The following NOTCH2 variants were observed in gnomAD, a reference collection of about 807,000 sequenced individuals.
The protein encoded by NOTCH2 is neurogenic locus notch homolog protein 2.
A neutral mutation model predicts 235.8 loss-of-function variants in NOTCH2; 29 were observed. The ratio of observed to expected loss-of-function variants is 0.12; its 90% CI spans 0.09 to 0.17. NOTCH2 has a LOEUF of 0.17. Among genes scored for constraint, NOTCH2 ranks in the 10% least tolerant of loss-of-function variants. The pLI, the probability that NOTCH2 is intolerant of heterozygous loss-of-function variation, is 1.00. For synonymous variants in NOTCH2, 1,086 were observed against 1,141.5 expected (o/e 0.95, Z 0.98); for missense variants, 2,285 against 3,150.2 (o/e 0.73, Z 6.57).
In NOTCH2 at chr1:119,934,290, T is replaced by C. The variant is rs181045865; in HGVS notation, c.3655+1182A>G. On this transcript the variant is annotated intron_variant, in intron 22 of 33. Transcript: ENST00000256646. ...GGCACCGTGCTTCCTGTACAGCCTA[T>C]AGAACTGCGAGCCAAATATACCTCT... 2.4e-3 allele frequency among the ~76,000 whole-genome samples: 373 copies of C among 152,310 alleles called. 1 individual carries two copies. The highest frequency in any genetic ancestry group is 8.7e-3 in the African/African-American group (362 of 41,568).
rs1651022789 is a variant in NOTCH2, at chr1:119,963,500, G to A, written c.1915+74C>T. On this transcript the variant is annotated intron_variant, in intron 11 of 33. Coordinates refer to ENST00000256646, the MANE Select transcript of NOTCH2 (RefSeq NM_024408.4). ...TTAGGTATCTGAGCATATGCCAACA[G>A]TCTGAAACATCTGTGTAAACAGATT... The A allele has an allele frequency of 3.8e-6, 5 of 1,320,166 alleles. No homozygotes were observed. The East Asian group carries it at 1.1e-4, about 30-fold the overall frequency. The allele number at this position is 1,320,166 out of a possible 1,614,324, so 81.8% of individuals were successfully genotyped here.
rs780904023 is a variant in NOTCH2, at chr1:119,915,844, T to G, written c.6878A>C (p.His2293Pro). 5.6e-6 allele frequency: 9 copies of G among 1,614,058 alleles called. No homozygotes were observed. In the Admixed American group the frequency reaches 1.2e-4, roughly 21 times the overall value. Residue 2293 changes from histidine to proline, a missense_variant, in exon 34 of 34, where the codon CAC (histidine) becomes CCC (proline). His to Pro is a moderately conservative substitution (Grantham distance 77). Coordinates refer to ENST00000256646, the MANE Select transcript of NOTCH2 (RefSeq NM_024408.4). The stretch of plus-strand genomic sequence containing the variant: ...CAAGGGCTCCCGAGGGGTGGTTATG[T>G]GCTTCCCTTCAGGTGGCCTGCTCTG... Reference protein sequence around the residue: ...APQSRPPEGKHITTPREPLPP... With the variant: ...APQSRPPEGKPITTPREPLPP...
At chr1:119,918,577 A>G (rs1649166877) in intron 31 of NOTCH2, 24 bp from the exon 32 acceptor site, 2 of 1,613,566 alleles carry the variant, frequency 1.2e-6, no homozygotes, top group South Asian at 2.2e-5. Context: ...AAGTACAGAA[A>G]AGAGAGTCAC....
At chr1:119,981,940 T>C (rs1436763546) in intron 5 of NOTCH2, among the ~76,000 whole-genome samples, 3 of 150,342 alleles carry the variant, frequency 2.0e-5, no homozygotes, top group African/African-American at 7.3e-5. Flanking sequence ...ATCCCTATAG[T>C]CCTAAAAAAA....
At chr1:120,041,999 G>C (rs1553212925) in intron 1 of NOTCH2, among the ~76,000 whole-genome samples, 1 of 146,524 alleles carries the variant, frequency 6.8e-6, no homozygotes, top group Non-Finnish European at 1.5e-5. Flanking sequence ...AAGAGAGAAA[G>C]AGCAAGCGAG....
At chr1:119,987,919 G>A (rs115189503) in intron 4 of NOTCH2, among the ~76,000 whole-genome samples, 149 of 152,228 alleles carry the variant, frequency 9.8e-4, no homozygotes, top group Non-Finnish European at 1.7e-3. Flanking sequence ...TGCCCACAGT[G>A]TGGTCCTTTG....
At chr1:120,006,658 G>A (rs1222497604) in intron 2 of NOTCH2, among the ~76,000 whole-genome samples, 12 of 148,238 alleles carry the variant, frequency 8.1e-5, no homozygotes, top group African/African-American at 1.5e-4. Context: ...CTTATTCCTC[G>A]TTTTAGTTTT....
At chr1:119,963,180 T>TAGGAAGGAAGGG (rs1651006882) in intron 11 of NOTCH2, among the ~76,000 whole-genome samples, 1 of 144,746 alleles carries the variant, frequency 6.9e-6, no homozygotes. Context: ...GGAAGGTAGG[T>TAGGAAGGAAGGG]AGGAAGGAAG....
chr1:119,960,362 AT>A (rs1650888656), intron 11 of NOTCH2, among the ~76,000 whole-genome samples: 1 of 151,684 alleles, frequency 6.6e-6, no homozygotes, highest in Admixed American at 6.6e-5. Flanking sequence ...AAGCTGCCTT[AT>A]TTTTGCTCTA....
At chr1:119,977,846 C>T (rs1369219699) in intron 5 of NOTCH2, among the ~76,000 whole-genome samples, 1 of 152,082 alleles carries the variant, frequency 6.6e-6, no homozygotes, top group African/African-American at 2.4e-5. Flanking sequence ...TTCATTCATT[C>T]GTTTATCTAA....
chr1:119,931,625 G>C (rs1376523406), intron 22 of NOTCH2, among the ~76,000 whole-genome samples: 1 of 151,844 alleles, frequency 6.6e-6, no homozygotes, highest in Non-Finnish European at 1.5e-5. Flanking sequence ...AATACACATG[G>C]GAATTTAGAA....
At chr1:119,969,779 T>C (rs1553200161) in intron 5 of NOTCH2, 35 bp from the exon 6 acceptor site, 2 of 1,584,024 alleles carry the variant, frequency 1.3e-6, no homozygotes. Flanking sequence ...TTAGGGCTCT[T>C]GAGTCTCAAA....
At position 119,929,069 on chromosome 1, in the gene NOTCH2, C is replaced by T. The variant is rs2101169165; in HGVS notation, c.3799G>A (p.Glu1267Lys). The T allele has an allele frequency of 1.2e-6, 2 of 1,614,150 alleles. No homozygotes were observed. Among genetic ancestry groups the T allele is most frequent in the Non-Finnish European group, 8.5e-7 (1 of 1,180,024 alleles). ...GAGCTGCAGGGGTTGGAGAGGCACTCGTTGATGTCTCCCTCACAACGCTCC... is the reference window on the plus strand; with the variant it reads ...GAGCTGCAGGGGTTGGAGAGGCACTTGTTGATGTCTCCCTCACAACGCTCC... ...AGERCEGDINECLSNPCSSEG... is the reference protein window; with the variant it reads ...AGERCEGDINKCLSNPCSSEG... Residue 1267 changes from glutamate (E) to lysine (K), a missense_variant, in exon 23 of 34, where the codon GAG becomes AAG. Glu to Lys is a moderately conservative substitution (Grantham distance 56). Around this residue, in one of 6 missense-constraint regions of NOTCH2, gnomAD observed 1,173 missense variants for 1,515.3 expected, o/e 0.77. Coordinates refer to ENST00000256646, the MANE Select transcript of NOTCH2 (RefSeq NM_024408.4).
In NOTCH2 at chr1:119,922,751, G is replaced by A. The variant is rs1273881643; in HGVS notation, c.4887C>T (p.Asn1629=). Residue 1629 remains asparagine, a synonymous_variant, in exon 27 of 34, where the codon AAC becomes AAT. Transcript: ENST00000256646. ...AGSKVFLEID[N]RQCVQDSDHC... ...GGTCTGAGTCTTGAACACACTGGCG[G>A]TTGTCAATTTCCAGAAAGACTTTAG... The A allele has an allele frequency of 1.2e-6, 2 of 1,614,074 alleles. No homozygotes were observed. The highest frequency in any genetic ancestry group is 1.7e-5 in the Admixed American group (1 of 60,006).
Position 119,925,362 on chromosome 1 carries a change from T to C in NOTCH2, c.4454A>G (p.Asn1485Ser), listed in dbSNP as rs771682706. 25 of 1,614,090 alleles carry C rather than the reference T, an allele frequency of 1.5e-5. No individual in the cohort carries two copies. The highest frequency in any genetic ancestry group is 2.0e-5 in the Non-Finnish European group (24 of 1,180,046). The change falls in exon 25 of 34, where the codon AAC becomes AGC. Residue 1485 changes from asparagine to serine, a missense_variant. Asn to Ser is a conservative substitution (Grantham distance 46). This residue lies in a region of NOTCH2 where 1,173 missense variants were observed against 1,515.3 expected (regional missense o/e 0.77). Transcript: ENST00000256646. ...GTTGTCAAACAGGCACTCGACCGTG[T>C]TGCACAGCTCATCACACTGGTTGTT... is the stretch of plus-strand genomic sequence containing the variant. ...YINNQCDELC[N>S]TVECLFDNFE...
chr1:119,915,523 C>T lies in NOTCH2; in HGVS notation c.7199G>A (p.Arg2400Gln), dbSNP rs587654671. The change falls in exon 34 of 34, where the codon CGA becomes CAA. Residue 2400 changes from arginine to glutamine, a missense_variant. Physicochemically the swap from Arg to Gln is conservative, Grantham distance 43 (BLOSUM62 1). Transcript: ENST00000256646. ...GAGGTGACCACTGTGACTGGGTGTT[C>T]GCTCAGCAGCATTTGAGGAAGCATA... ...HSYASSNAAE[R>Q]TPSHSGHLQG... 86 of 1,614,044 alleles carry T rather than the reference C, an allele frequency of 5.3e-5. 3 individuals are homozygous for T. In the South Asian group the frequency reaches 7.0e-4, roughly 13 times the overall value.
rs1026923617 is a variant in NOTCH2, at chr1:119,919,171, T to G, written c.5781+141A>C. On this transcript the variant is annotated intron_variant, in intron 31 of 33. Coordinates refer to ENST00000256646, the MANE Select transcript of NOTCH2 (RefSeq NM_024408.4). ...CTGCCTCCCTTTTCCCACTTTCCCA[T>G]CTACCAAGCATGACTCTAATACCTG... is the stretch of plus-strand genomic sequence containing the variant. 1.5e-5 allele frequency: 14 copies of G among 947,446 alleles called. No individual in the cohort carries two copies. In the African/African-American group the frequency reaches 2.1e-4, roughly 14 times the overall value. The allele number at this position is 947,446 out of a possible 1,614,324, so 58.7% of individuals were successfully genotyped here.
intron 14 of NOTCH2, 147 bp from the exon 15 acceptor site, chr1:119,950,984 C>A: frequency 2.9e-6 from 2 of 698,198 alleles, no homozygotes; most frequent in Middle Eastern, 3.5e-4. Flanking sequence ...TCATTCATTT[C>A]AGCCCCATGT....
At chr1:120,028,562 T>A (rs587755505) in intron 2 of NOTCH2, among the ~76,000 whole-genome samples, 2 of 146,700 alleles carry the variant, frequency 1.4e-5, no homozygotes, top group Admixed American at 6.8e-5. Flanking sequence ...TTTACTGTCA[T>A]CACAGCTTAA....
Sources: allele counts gnomAD v4.1 joint callset (sites outside exome capture counted in the v4.1 genomes callset), GRCh38; gene constraint gnomAD v4.1.1; regional missense constraint gnomAD v4.1.1; transcripts MANE v1.5; gene names NCBI Gene and HGNC (gene_info 2026-07-23, HGNC 2026-07-21).